The following PLPP4 variants were observed in gnomAD, a reference collection of about 807,000 sequenced individuals.
PLPP4 encodes phospholipid phosphatase 4, also known as diacylglycerol pyrophosphate like 2.
Under a neutral mutation model 32.2 loss-of-function variants are expected in PLPP4, and 20 were observed. That is an observed-to-expected ratio of 0.62 (90% CI 0.44 to 0.90). The LOEUF is 0.90. PLPP4 is among the 40% of genes least tolerant of loss of function. The pLI is 0.00. For missense variants in PLPP4, 257 were observed against 353.1 expected, an observed-to-expected ratio of 0.73 and a Z score of 2.18; for synonymous variants, 127 against 133.0, an observed-to-expected ratio of 0.95 and a Z score of 0.31.
intron 2 of PLPP4, among the ~76,000 whole-genome samples, chr10:120,506,717 A>G (rs1199632747): frequency 1.3e-5 from 2 of 152,236 alleles, no homozygotes; most frequent in Admixed American, 6.5e-5. Context: ...TAACAGAATG[A>G]TGGCTAGGGG....
intron 5 of PLPP4, among the ~76,000 whole-genome samples, chr10:120,539,999 T>TA (rs11386207): frequency 0.65 from 93,415 of 142,940 alleles, 30,261 homozygotes; most frequent in East Asian, 0.75. Flanking sequence ...AGTAAACTTG[T>TA]AAAAAAAAAA....
intron 5 of PLPP4, among the ~76,000 whole-genome samples, chr10:120,569,457 A>G (rs1435612717): frequency 6.6e-6 from 1 of 152,216 alleles, no homozygotes; most frequent in Admixed American, 6.5e-5. Context: ...AAAATGCAAC[A>G]TGAGGTAAGA....
At chr10:120,520,266 C>G (rs1197355875) in intron 4 of PLPP4, among the ~76,000 whole-genome samples, 1 of 152,154 alleles carries the variant, frequency 6.6e-6, no homozygotes, top group Non-Finnish European at 1.5e-5. Context: ...GTGTCTTCTG[C>G]ATCATGGAGC....
intron 2 of PLPP4, among the ~76,000 whole-genome samples, chr10:120,507,403 C>G (rs1206893537): frequency 1.3e-5 from 2 of 151,864 alleles, no homozygotes; most frequent in South Asian, 2.1e-4. Context: ...TCATCATCAT[C>G]AACAACAGTA....
intron 5 of PLPP4, among the ~76,000 whole-genome samples, chr10:120,533,097 A>G (rs1480539722): frequency 1.3e-5 from 2 of 152,182 alleles, no homozygotes; most frequent in Non-Finnish European, 2.9e-5. Context: ...GGAACTGCCA[A>G]CCTGCTCCAT....
chr10:120,468,425 G>C (rs114169181), intron 1 of PLPP4, among the ~76,000 whole-genome samples: 1,002 of 65,496 alleles, frequency 0.015, 324 homozygotes, highest in African/African-American at 0.029. Flanking sequence ...GATTAGAAAA[G>C]TGTGCGTGAT....
At chr10:120,512,342 T>C (rs1447664099) in intron 2 of PLPP4, among the ~76,000 whole-genome samples, 1 of 152,190 alleles carries the variant, frequency 6.6e-6, no homozygotes, top group Non-Finnish European at 1.5e-5. Context: ...ATACCCTCCA[T>C]GGTGGCAAGA....
intron 5 of PLPP4, among the ~76,000 whole-genome samples, chr10:120,573,586 T>G (rs1849043009): frequency 6.6e-6 from 1 of 152,260 alleles, no homozygotes; most frequent in African/African-American, 2.4e-5. Context: ...CAAGGAAATG[T>G]CACAGCTTGG....
intron 1 of PLPP4, among the ~76,000 whole-genome samples, chr10:120,487,290 C>G (rs116985130): frequency 6.6e-6 from 1 of 152,284 alleles, no homozygotes; most frequent in East Asian, 1.9e-4. Flanking sequence ...TTTATTGTTA[C>G]GCTTTTAAAC....
intron 5 of PLPP4, among the ~76,000 whole-genome samples, chr10:120,572,655 C>T (rs1022366482): frequency 8.5e-5 from 13 of 152,180 alleles, no homozygotes; most frequent in African/African-American, 2.9e-4. Flanking sequence ...GCAAAGCCAC[C>T]TGATTTGAAT....
chr10:120,527,332 G>A (rs1017904111), intron 5 of PLPP4, among the ~76,000 whole-genome samples: 14 of 152,100 alleles, frequency 9.2e-5, no homozygotes, highest in East Asian at 1.9e-4. Context: ...GGATTTCTAC[G>A]CTGCAGTCTT....
intron 5 of PLPP4, among the ~76,000 whole-genome samples, chr10:120,550,322 T>C (rs1281661533): frequency 2.6e-5 from 4 of 151,996 alleles, no homozygotes; most frequent in African/African-American, 7.2e-5. Context: ...GTATACCATA[T>C]TCATGAGTTG....
intron 1 of PLPP4, among the ~76,000 whole-genome samples, chr10:120,499,465 T>G (rs573059312): frequency 3.7e-4 from 57 of 152,142 alleles, no homozygotes; most frequent in African/African-American, 1.3e-3. Flanking sequence ...ATGTAATACA[T>G]GGATGTGACC....
At chr10:120,555,589 G>T (rs1470590624) in intron 5 of PLPP4, among the ~76,000 whole-genome samples, 2 of 152,156 alleles carry the variant, frequency 1.3e-5, no homozygotes, top group Non-Finnish European at 2.9e-5. Flanking sequence ...CTAAACTGTG[G>T]CCTTGGCAAA....
intron 3 of PLPP4, 112 bp downstream of exon 3, chr10:120,514,113 G>T: frequency 1.2e-6 from 1 of 838,336 alleles, no homozygotes; most frequent in Non-Finnish European, 2.1e-6. Context: ...GTCAAATTAA[G>T]CTGGGGAGGA....
At chr10:120,507,578 T>C (rs1454779660) in intron 2 of PLPP4, among the ~76,000 whole-genome samples, 1 of 152,240 alleles carries the variant, frequency 6.6e-6, no homozygotes, top group Middle Eastern at 3.2e-3. Context: ...TGTCAGTGGC[T>C]GAACCAGGAT....
chr10:120,501,735 T>C lies in PLPP4; in HGVS notation c.57-2083T>C, dbSNP rs1010648521. The stretch of plus-strand genomic sequence containing the variant: ...CATTTAGTTCAATGCTGGGGACTCC[T>C]GGCCCATCAGGGCCACCTAGGGGAG... On this transcript the variant is annotated intron_variant, in intron 1 of 6. Coordinates refer to ENST00000398250, the MANE Select transcript of PLPP4 (RefSeq NM_001030059.3). Among the ~76,000 whole-genome samples the C allele has an allele frequency of 2.9e-4, 44 of 152,218 alleles. 1 individual carries two copies. The highest frequency in any genetic ancestry group is 4.4e-5 in the Non-Finnish European group (3 of 68,028).
intron 5 of PLPP4, among the ~76,000 whole-genome samples, chr10:120,533,897 T>G (rs374948692): frequency 5.9e-5 from 9 of 152,154 alleles, no homozygotes; most frequent in African/African-American, 1.9e-4. Flanking sequence ...AGTTCTTTTG[T>G]GCTGCTATTA....
chr10:120,496,006 G>GC lies in PLPP4; in HGVS notation c.57-7810dup, dbSNP rs1844946302. ...CAAGTGACTTTTTTCAAGCTACCCT[G>GC]CCAGCAAACACCAAAGCAGGGATTT... On this transcript the variant is annotated intron_variant, in intron 1 of 6. Transcript: ENST00000398250. Among the ~76,000 whole-genome samples the GC allele has an allele frequency of 5.3e-5, 8 of 152,280 alleles. No individual in the cohort carries two copies. The South Asian group carries it at 1.7e-3, about 32-fold the overall frequency.
Sources: gnomAD v4.1 joint callset for allele counts (sites outside exome capture counted in the v4.1 genomes callset) on GRCh38, gnomAD v4.1.1 for gene constraint, MANE v1.5 for transcripts, NCBI Gene and HGNC (gene_info 2026-07-23, HGNC 2026-07-21) for gene names.